Variants in PAK2 observed in about 807,000 individuals in gnomAD.
The protein encoded by PAK2 is p21 (RAC1) activated kinase 2, also known as serine/threonine-protein kinase PAK 2.
PAK2 carries 21 observed loss-of-function variants against 65.9 expected under a neutral mutation model. That is an observed-to-expected ratio of 0.32 (90% CI 0.23 to 0.46). The LOEUF (loss-of-function observed/expected upper bound fraction) is 0.46, where lower values mean the gene tolerates loss of function less well. PAK2 is among the 20% of genes least tolerant of loss of function. PAK2 has a pLI of 1.00. For synonymous variants in PAK2, 204 were observed against 219.7 expected (o/e 0.93, Z 0.63); for missense variants, 324 against 642.6 (o/e 0.50, Z 5.36).
At chr3:196,761,901 G>T (rs1228748167) in intron 1 of PAK2, among the ~76,000 whole-genome samples, 15 of 148,166 alleles carry the variant, frequency 1.0e-4, no homozygotes, top group Non-Finnish European at 1.5e-4. Flanking sequence ...CTTCCCAGAT[G>T]GGGTGGCTGC....
At chr3:196,805,451 T>A (rs1299595545) in intron 5 of PAK2, 68 bp downstream of exon 5, 3 of 763,274 alleles carry the variant, frequency 3.9e-6, no homozygotes, top group Non-Finnish European at 6.4e-6. Flanking sequence ...AATCTCAGTT[T>A]TTATTTTGCT....
At chr3:196,773,178 T>C (rs1281377586) in intron 1 of PAK2, among the ~76,000 whole-genome samples, 1 of 152,204 alleles carries the variant, frequency 6.6e-6, no homozygotes. Flanking sequence ...GGGCACACTT[T>C]TTGTTTCGCC....
In PAK2 at chr3:196,780,648, C is replaced by CT. The variant is rs1159565086; in HGVS notation, c.-21-1971dup. 3.3e-5 allele frequency among the ~76,000 whole-genome samples: 5 copies of CT among 152,024 alleles called. No individual in the cohort carries two copies. In the East Asian group the frequency reaches 9.6e-4, roughly 29 times the overall value. ...CCCAGAAATGTTTTTGCTCCTTTAC[C>CT]TTTTTTTATTCTTTCTCTTTTGTAG... is the stretch of plus-strand genomic sequence containing the variant. On this transcript the variant is annotated intron_variant, in intron 1 of 14. Coordinates refer to ENST00000327134, the MANE Select transcript of PAK2 (RefSeq NM_002577.4).
chr3:196,781,456 G>A lies in PAK2; in HGVS notation c.-21-1170G>A, dbSNP rs116757718. Among the ~76,000 whole-genome samples, 648 of 152,302 alleles carry A rather than the reference G, an allele frequency of 4.3e-3. 5 individuals are homozygous for A. The highest frequency in any genetic ancestry group is 0.015 in the African/African-American group (624 of 41,562). ...CTGAATTAGCCATGTAGCTAAGACA[G>A]ATTACCCAACTGCCTGGACAGGGCA... On this transcript the variant is annotated intron_variant, in intron 1 of 14. Transcript: ENST00000327134.
rs1014774674 is a variant in PAK2 at position 196,806,478 on chromosome 3, C to T, written c.469-101C>T. 3.0e-5 allele frequency: 21 copies of T among 696,982 alleles called. No individual in the cohort carries two copies. In the South Asian group the frequency reaches 3.1e-4, roughly 10 times the overall value. The allele number at this position is 696,982 out of a possible 1,614,324, so 43.2% of individuals were successfully genotyped here. On this transcript the variant is annotated intron_variant, in intron 5 of 14. Coordinates refer to ENST00000327134, the MANE Select transcript of PAK2 (RefSeq NM_002577.4). ...TGAGATTTAGTGGTTTTGAAATGAG[C>T]TATCAAAGAAGCAAACTTTTTGAAG...
At position 196,810,632 on chromosome 3, in the gene PAK2, G is replaced by C. The variant is rs147795175; in HGVS notation, c.752G>C (p.Arg251Thr). 3.9e-6 allele frequency: 6 copies of C among 1,544,354 alleles called. No individual in the cohort carries two copies. Among genetic ancestry groups the C allele is most frequent in the Non-Finnish European group, 2.7e-6 (3 of 1,117,504 alleles). ...SIGDPKKKYT[R>T]YEKIGQGASG... ...GGTGACCCTAAGAAAAAATATACAAGATATGAAAAAATTGGACAAGGGTAA... is the reference window on the plus strand; with the variant it reads ...GGTGACCCTAAGAAAAAATATACAACATATGAAAAAATTGGACAAGGGTAA... Residue 251 changes from arginine (R) to threonine (T), a missense_variant, in exon 8 of 15, where the codon AGA becomes ACA. Transcript: ENST00000327134.
At chr3:196,827,717 C>T (rs1577757694) in intron 14 of PAK2, among the ~76,000 whole-genome samples, 1 of 151,856 alleles carries the variant, frequency 6.6e-6, no homozygotes. Context: ...CAAACCTGCA[C>T]GTTGTGCGCA....
intron 1 of PAK2, among the ~76,000 whole-genome samples, chr3:196,751,694 T>TATAGATATATATATATATATATA (rs1211217848): frequency 2.2e-5 from 1 of 45,874 alleles, no homozygotes; most frequent in Non-Finnish European, 4.4e-5. Flanking sequence ...TATATATATA[T>TATAGATATATATATATATATATA]AATTCAGGCT....
intron 1 of PAK2, among the ~76,000 whole-genome samples, chr3:196,761,775 C>CA (rs1713975628): frequency 6.9e-6 from 1 of 145,772 alleles, no homozygotes; most frequent in Non-Finnish European, 1.5e-5. Flanking sequence ...GGCGGCTGGC[C>CA]GGGCGGGGGG....
Position 196,809,337 on chromosome 3 carries a change from A to G in PAK2, c.710-1253A>G, listed in dbSNP as rs1023477075. 7.2e-5 allele frequency among the ~76,000 whole-genome samples: 9 copies of G among 125,572 alleles called. No homozygotes were observed. The East Asian group carries it at 1.5e-3, about 22-fold the overall frequency. 82.4% of individuals were successfully genotyped at this position (125,572 alleles called of 152,430 possible). A position where few individuals can be genotyped will look rare whatever the true frequency, so the allele number is the denominator to read the frequency against. ...GTATAAACCTGGCTCTTACTCTGTT[A>G]TTATTATTATCTTTTTTTTTTTTTT... On this transcript the variant is annotated intron_variant, in intron 7 of 14. Coordinates refer to ENST00000327134, the MANE Select transcript of PAK2 (RefSeq NM_002577.4).
In PAK2 at chr3:196,782,730, A is replaced by G. The variant is rs758456067; in HGVS notation, c.84A>G (p.Lys28=). The G allele has an allele frequency of 6.8e-6, 11 of 1,612,818 alleles. No homozygotes were observed. Among genetic ancestry groups the G allele is most frequent in the African/African-American group, 1.3e-5 (1 of 74,902 alleles). ...GCACCATCTTTAGCACTGGAGGCAA[A>G]GACCCTTTGTCAGCCAATCACAGTT... ...MSSTIFSTGG[K]DPLSANHSLK... The change falls in exon 2 of 15, where the codon AAA becomes AAG. Residue 28 remains lysine, a synonymous_variant. Transcript: ENST00000327134.
chr3:196,743,639 G>C (rs1489034789), intron 1 of PAK2, among the ~76,000 whole-genome samples: 4 of 152,110 alleles, frequency 2.6e-5, no homozygotes, highest in African/African-American at 7.2e-5. Context: ...CTTGAGGTCA[G>C]GAGTTCAAGA....
rs1560089766 is a variant in PAK2 at position 196,751,667 on chromosome 3, T to TA, written c.-22+11510_-22+11511insA. The stretch of plus-strand genomic sequence containing the variant: ...CCCCCCAAAAAACACACAAATTTAT[T>TA]TATATACATATATATATATATATAT... On this transcript the variant is annotated intron_variant, in intron 1 of 14. Coordinates refer to ENST00000327134, the MANE Select transcript of PAK2 (RefSeq NM_002577.4). Among the ~76,000 whole-genome samples the TA allele has an allele frequency of 5.8e-4, 26 of 45,078 alleles. 1 individual carries two copies. The highest frequency in any genetic ancestry group is 2.3e-3 in the African/African-American group (23 of 10,056). The allele number at this position is 45,078 out of a possible 152,430, so 29.6% of individuals were successfully genotyped here. A position where few individuals can be genotyped will look rare whatever the true frequency, so the allele number is the denominator to read the frequency against.
Position 196,761,923 on chromosome 3 carries a change from G to T in PAK2, c.-21-20703G>T, listed in dbSNP as rs1215001494. On this transcript the variant is annotated intron_variant, in intron 1 of 14. Coordinates refer to ENST00000327134, the MANE Select transcript of PAK2 (RefSeq NM_002577.4). The stretch of plus-strand genomic sequence containing the variant: ...GATGGGGTGGCTGCCGGGCGGAGAG[G>T]CTCCTCACTTCTCAGACGGGGCAGC... Among the ~76,000 whole-genome samples the T allele has an allele frequency of 2.7e-4, 38 of 142,250 alleles. No homozygotes were observed. The South Asian group carries it at 7.9e-3, about 29-fold the overall frequency. 93.3% of individuals were successfully genotyped at this position (142,250 alleles called of 152,430 possible). A position where few individuals can be genotyped will look rare whatever the true frequency, so the allele number is the denominator to read the frequency against.
At chr3:196,806,126 T>G (rs1018423555) in intron 5 of PAK2, among the ~76,000 whole-genome samples, 2 of 151,934 alleles carry the variant, frequency 1.3e-5, no homozygotes, top group Non-Finnish European at 2.9e-5. Flanking sequence ...TTAGCCAGGA[T>G]GGTCTTGATC....
At chr3:196,787,580 GAAA>G (rs58321910) in intron 2 of PAK2, among the ~76,000 whole-genome samples, 2 of 127,524 alleles carry the variant, frequency 1.6e-5, no homozygotes, top group African/African-American at 2.9e-5. Flanking sequence ...CTCCGTCTCA[GAAA>G]AAAAAAAAAA....
chr3:196,828,248 G>T, intron 14 of PAK2, 71 bp from the exon 15 acceptor site: 1 of 861,478 alleles, frequency 1.2e-6, no homozygotes, highest in Non-Finnish European at 1.9e-6. Flanking sequence ...GGGCTTAATT[G>T]AACAAAATTA....
chr3:196,746,187 C>T (rs746195922), intron 1 of PAK2, among the ~76,000 whole-genome samples: 8 of 151,998 alleles, frequency 5.3e-5, no homozygotes, highest in Admixed American at 2.0e-4. Flanking sequence ...AAACAAGAGA[C>T]GTGTCGTTGT....
chr3:196,765,984 C>T (rs1353915383), intron 1 of PAK2, among the ~76,000 whole-genome samples: 1 of 151,554 alleles, frequency 6.6e-6, no homozygotes, highest in Non-Finnish European at 1.5e-5. Flanking sequence ...ACTGCAAGCT[C>T]CACCTCCCGG....
Sources: allele counts gnomAD v4.1 joint callset (sites outside exome capture counted in the v4.1 genomes callset), GRCh38; gene constraint gnomAD v4.1.1; transcripts MANE v1.5; gene names NCBI Gene and HGNC (gene_info 2026-07-23, HGNC 2026-07-21).